GNAT3: variants seen among roughly 807,000 people sequenced by gnomAD.
GNAT3 encodes the protein guanine nucleotide-binding protein G(t) subunit alpha-3.
Under a neutral mutation model 37.7 loss-of-function variants are expected in GNAT3, and 31 were observed. The ratio of observed to expected loss-of-function variants is 0.82; its 90% confidence interval spans 0.62 to 1.11. GNAT3 has a LOEUF of 1.11. Ranked by LOEUF, GNAT3 falls within the 50% of genes most tolerant of loss-of-function variation. The probability of loss-of-function intolerance (pLI) is 0.00; values close to 1 mark genes in which losing one functional copy is unlikely to be tolerated. For synonymous variants in GNAT3, 138 were observed against 139.8 expected (o/e 0.99, Z 0.09); for missense variants, 437 against 412.5 (o/e 1.06, Z -0.51).
rs200551381 is a variant in GNAT3, at chr7:80,462,653, A to G, written c.591-22T>C. The G allele has an allele frequency of 1.3e-4, 208 of 1,599,932 alleles. 1 individual carries two copies. The African/African-American group carries it at 1.8e-3, about 13-fold the overall frequency. Reference sequence around the variant, plus strand: ...CATCCTTTAAGAAAACATCAAATGAATAATAAATCTTGCAAATATCCTCCA... The same window carrying G: ...CATCCTTTAAGAAAACATCAAATGAGTAATAAATCTTGCAAATATCCTCCA... On this transcript the variant is annotated intron_variant, in intron 5 of 7. Transcript: ENST00000398291.
rs542722218 is a variant in GNAT3 at position 80,472,435 on chromosome 7, C to T, written c.590+1816G>A. ...ATGGTACATAGATAAGATGGTTATG[C>T]CTCCATGAGGATATGCATTTGATTT... On this transcript the variant is annotated intron_variant, in intron 5 of 7. Coordinates refer to ENST00000398291, the MANE Select transcript of GNAT3 (RefSeq NM_001102386.3). Among the ~76,000 whole-genome samples, 13 of 152,168 alleles carry T rather than the reference C, an allele frequency of 8.5e-5. No homozygotes were observed. In the South Asian group the frequency reaches 2.7e-3, roughly 32 times the overall value.
At chr7:80,494,557 C>A in intron 2 of GNAT3, 48 bp downstream of exon 2, 1 of 978,720 alleles carries the variant, frequency 1.0e-6, no homozygotes. Context: ...TGGTCAAATA[C>A]ATGGACAGAC....
At chr7:80,504,466 A>G (rs1439142957) in intron 1 of GNAT3, among the ~76,000 whole-genome samples, 1 of 152,238 alleles carries the variant, frequency 6.6e-6, no homozygotes, top group Non-Finnish European at 1.5e-5. Context: ...AAATAGAAGC[A>G]GTGAGCATAG....
intron 2 of GNAT3, among the ~76,000 whole-genome samples, chr7:80,493,142 G>A (rs557980611): frequency 1.1e-4 from 17 of 151,536 alleles, no homozygotes; most frequent in Non-Finnish European, 2.2e-4. Context: ...TATTTTTTAC[G>A]CAGCCAAATA....
intron 5 of GNAT3, among the ~76,000 whole-genome samples, chr7:80,470,963 G>T (rs962356381): frequency 6.6e-6 from 1 of 151,320 alleles, no homozygotes; most frequent in Non-Finnish European, 1.5e-5. Context: ...ATTTGAGTCA[G>T]TGGGCTGGGA....
At chr7:80,460,481 G>A (rs1311567653) in intron 7 of GNAT3, among the ~76,000 whole-genome samples, 5 of 152,138 alleles carry the variant, frequency 3.3e-5, no homozygotes, top group East Asian at 3.9e-4. Context: ...GGCCGGGGAC[G>A]GTGGCTCATG....
chr7:80,499,994 A>T (rs1790803421), intron 1 of GNAT3, among the ~76,000 whole-genome samples: 1 of 152,164 alleles, frequency 6.6e-6, no homozygotes, highest in African/African-American at 2.4e-5. Flanking sequence ...TTCAAGTATA[A>T]TATGATCCAC....
In GNAT3 at chr7:80,488,618, AAAT is replaced by A; in HGVS notation, c.217_219del (p.Ile73del). ...AGGATGGATTGCAATGTATTACTGTAAATTACTGCTTTGAACTCCATGCATTCT... is the reference window on the plus strand; with the variant it reads ...AGGATGGATTGCAATGTATTACTGTATACTGCTTTGAACTCCATGCATTCT... On this transcript the variant is annotated inframe_deletion, in exon 3 of 8. Transcript: ENST00000398291. 5 of 1,592,140 alleles carry A rather than the reference AAAT, an allele frequency of 3.1e-6. No homozygotes were observed. The highest frequency in any genetic ancestry group is 4.3e-6 in the Non-Finnish European group (5 of 1,166,668).
chr7:80,510,526 G>A (rs529046524), intron 1 of GNAT3, among the ~76,000 whole-genome samples: 1 of 152,184 alleles, frequency 6.6e-6, no homozygotes, highest in South Asian at 2.1e-4. Flanking sequence ...TGCTTTTCCT[G>A]TGTCCATATT....
chr7:80,508,203 G>T (rs986881300), intron 1 of GNAT3, among the ~76,000 whole-genome samples: 1 of 151,284 alleles, frequency 6.6e-6, no homozygotes, highest in Non-Finnish European at 1.5e-5. Context: ...GAAGAAAAAA[G>T]AAAGCTAATT....
chr7:80,493,326 C>T (rs532465275), intron 2 of GNAT3, among the ~76,000 whole-genome samples: 2 of 152,144 alleles, frequency 1.3e-5, no homozygotes, highest in South Asian at 4.1e-4. Flanking sequence ...AAAAATGGTG[C>T]AATCCCAGGG....
Position 80,462,306 on chromosome 7 carries a change from T to C in GNAT3, c.727A>G (p.Met243Val). 4 of 1,612,520 alleles carry C rather than the reference T, an allele frequency of 2.5e-6. No homozygotes were observed. The highest frequency in any genetic ancestry group is 3.4e-6 in the Non-Finnish European group (4 of 1,178,944). The change falls in exon 7 of 8, where the codon ATG (methionine) becomes GTG (valine). Residue 243 changes from methionine to valine, a missense_variant. Coordinates refer to ENST00000398291, the MANE Select transcript of GNAT3 (RefSeq NM_001102386.3). ...VLVEDEEVNRMHESLHLFNSI... is the reference protein window; with the variant it reads ...VLVEDEEVNRVHESLHLFNSI... ...TTGAACAGGTGAAGGCTTTCATGCA[T>C]TCTATTCTGTTAGGTATCAGAAATG...
intron 1 of GNAT3, among the ~76,000 whole-genome samples, chr7:80,503,397 G>T (rs978106108): frequency 2.6e-5 from 4 of 152,158 alleles, no homozygotes; most frequent in Admixed American, 6.6e-5. Flanking sequence ...AAAAGGCTTT[G>T]CTTGGCTGTA....
chr7:80,459,378 G>A (rs557178158), intron 7 of GNAT3, among the ~76,000 whole-genome samples: 2 of 152,254 alleles, frequency 1.3e-5, no homozygotes, highest in African/African-American at 2.4e-5. Context: ...AATCTACTTC[G>A]ATAGAAATGA....
intron 3 of GNAT3, among the ~76,000 whole-genome samples, chr7:80,484,021 A>C (rs1790435124): frequency 6.6e-6 from 1 of 152,098 alleles, no homozygotes; most frequent in South Asian, 2.1e-4. Context: ...TGTGCAGAAC[A>C]TGAAGGTTTG....
intron 4 of GNAT3, among the ~76,000 whole-genome samples, chr7:80,475,444 T>C (rs1260786234): frequency 6.6e-6 from 1 of 152,050 alleles, no homozygotes; most frequent in African/African-American, 2.4e-5. Flanking sequence ...AAGCTTTTAG[T>C]GGCTTAGCAA....
chr7:80,461,025 A>ATAT (rs34539561), intron 7 of GNAT3, among the ~76,000 whole-genome samples: 76,000 of 150,060 alleles, frequency 0.51, 20,531 homozygotes, highest in East Asian at 0.76. Flanking sequence ...TTAATTAGTA[A>ATAT]TCAATATATT....
rs79885822 is a variant in GNAT3, at chr7:80,467,346, G to A, written c.591-4715C>T. Among the ~76,000 whole-genome samples, 629 of 152,176 alleles carry A rather than the reference G, an allele frequency of 4.1e-3. 13 individuals carry two copies. The East Asian group carries it at 0.07, about 17-fold the overall frequency. ...AATATTTTTGTGTGTGCAGATTGACGTAGGAGACATAGGTCCAGGGAGCAC... is the reference window on the plus strand; with the variant it reads ...AATATTTTTGTGTGTGCAGATTGACATAGGAGACATAGGTCCAGGGAGCAC... On this transcript the variant is annotated intron_variant, in intron 5 of 7. Transcript: ENST00000398291.
intron 4 of GNAT3, among the ~76,000 whole-genome samples, chr7:80,476,933 G>A (rs1790314016): frequency 6.6e-6 from 1 of 151,890 alleles, no homozygotes; most frequent in Non-Finnish European, 1.5e-5. Context: ...GGGAAAATGA[G>A]CTTTTCTGTT....
Sources: gnomAD v4.1 joint callset for allele counts (sites outside exome capture counted in the v4.1 genomes callset) on GRCh38, gnomAD v4.1.1 for gene constraint, MANE v1.5 for transcripts, NCBI Gene and HGNC (gene_info 2026-07-23, HGNC 2026-07-21) for gene names.